The following ARSJ variants were observed in gnomAD, a reference collection of about 807,000 sequenced individuals.
ARSJ encodes arylsulfatase J.
In ARSJ, 26 loss-of-function variants were observed where a neutral mutation model predicts 35.9. That is an observed-to-expected ratio of 0.72 (90% CI 0.53 to 1.00). The LOEUF (loss-of-function observed/expected upper bound fraction) is 1.00. ARSJ is among the 50% of genes least tolerant of loss of function. ARSJ has a pLI of 0.00. For missense variants in ARSJ, 667 were observed against 723.6 expected, an observed-to-expected ratio of 0.92 and a Z score of 0.90; for synonymous variants, 294 against 267.6, an observed-to-expected ratio of 1.10 and a Z score of -0.96.
chr4:113,967,334 G>T (rs560927730), intron 1 of ARSJ, among the ~76,000 whole-genome samples: 2 of 152,208 alleles, frequency 1.3e-5, no homozygotes, highest in South Asian at 4.1e-4. Flanking sequence ...GAGTAGTTGA[G>T]ACTTTGGAAA....
rs150831733 is a variant in ARSJ, at chr4:113,904,582, T to G, written c.399-907A>C. 5.6e-3 allele frequency among the ~76,000 whole-genome samples: 860 copies of G among 152,334 alleles called. 6 individuals carry two copies. The highest frequency in any genetic ancestry group is 0.018 in the African/African-American group (758 of 41,586). ...TCACTGCAAGCTCCGCCTCCCGGGT[T>G]CACGCCATTCTCCTGCCTCACCCTC... On this transcript the variant is annotated intron_variant, in intron 1 of 1. Coordinates refer to ENST00000315366, the MANE Select transcript of ARSJ (RefSeq NM_024590.4).
In ARSJ at chr4:113,902,983, A is replaced by G. The variant is rs140959498; in HGVS notation, c.1091T>C (p.Leu364Pro). The G allele has an allele frequency of 9.1e-5, 147 of 1,614,152 alleles. No individual in the cohort carries two copies. In the East Asian group the frequency reaches 3.2e-3, roughly 35 times the overall value. ...CTTACACACTGTTCCCTTGTTTTTC[A>G]GAAGTGGGCTATGCACAAAGCCTAC... The part of the protein sequence containing the change: ...RAVGFVHSPL[L>P]KNKGTVCKEL... The change falls in exon 2 of 2, where the codon CTG (leucine) becomes CCG (proline). Residue 364 changes from leucine to proline, a missense_variant. Transcript: ENST00000315366.
intron 1 of ARSJ, among the ~76,000 whole-genome samples, chr4:113,928,563 T>C (rs10019179): frequency 0.81 from 123,379 of 152,200 alleles, 50,260 homozygotes; most frequent in African/African-American, 0.89. Flanking sequence ...GAGGTCTACA[T>C]GAGTCAGGCC....
intron 1 of ARSJ, among the ~76,000 whole-genome samples, chr4:113,942,941 C>T (rs568862462): frequency 7.9e-5 from 12 of 152,054 alleles, no homozygotes; most frequent in Non-Finnish European, 1.5e-4. Flanking sequence ...TAACAACTTG[C>T]AGTGCAAAAC....
chr4:113,940,576 C>T (rs1013679193), intron 1 of ARSJ, among the ~76,000 whole-genome samples: 1 of 151,350 alleles, frequency 6.6e-6, no homozygotes, highest in Non-Finnish European at 1.5e-5. Flanking sequence ...TTGACAGGTG[C>T]AGCAAACCAC....
intron 1 of ARSJ, among the ~76,000 whole-genome samples, chr4:113,928,382 GAT>G (rs1724215435): frequency 6.6e-6 from 1 of 152,108 alleles, no homozygotes; most frequent in Non-Finnish European, 1.5e-5. Context: ...CTGTAAACTG[GAT>G]AAAGTCTGGA....
intron 1 of ARSJ, among the ~76,000 whole-genome samples, chr4:113,949,996 A>G (rs911594940): frequency 1.3e-5 from 2 of 151,884 alleles, no homozygotes; most frequent in African/African-American, 4.8e-5. Context: ...TTTCCCCCCA[A>G]CTTTTAATCT....
intron 1 of ARSJ, among the ~76,000 whole-genome samples, chr4:113,912,500 T>C (rs889229360): frequency 2.6e-5 from 4 of 150,984 alleles, no homozygotes; most frequent in Admixed American, 1.3e-4. Flanking sequence ...GATATATAGA[T>C]GGAAAAAAAA....
chr4:113,949,620 T>C (rs977925479), intron 1 of ARSJ, among the ~76,000 whole-genome samples: 2 of 152,054 alleles, frequency 1.3e-5, no homozygotes, highest in African/African-American at 4.8e-5. Flanking sequence ...AGGCCCAACT[T>C]AAACGTAGAC....
intron 1 of ARSJ, among the ~76,000 whole-genome samples, chr4:113,927,135 G>A (rs748124926): frequency 3.2e-4 from 48 of 152,194 alleles, no homozygotes; most frequent in Admixed American, 6.5e-4. Context: ...GGAATGTGTC[G>A]CCTCAAAAAT....
At chr4:113,963,459 T>G (rs982372305) in intron 1 of ARSJ, among the ~76,000 whole-genome samples, 2 of 151,922 alleles carry the variant, frequency 1.3e-5, no homozygotes, top group African/African-American at 4.8e-5. Flanking sequence ...GAAAAGCGCC[T>G]TATAAAACCA....
intron 1 of ARSJ, among the ~76,000 whole-genome samples, chr4:113,959,987 G>C (rs1410722438): frequency 6.6e-6 from 1 of 151,750 alleles, no homozygotes; most frequent in African/African-American, 2.4e-5. Context: ...TTCTATCATT[G>C]CTTCTCTCTT....
chr4:113,956,735 G>T (rs1726203754), intron 1 of ARSJ, among the ~76,000 whole-genome samples: 1 of 152,040 alleles, frequency 6.6e-6, no homozygotes, highest in Non-Finnish European at 1.5e-5. Context: ...ATGAGAAAGA[G>T]ATTAAGTTCA....
intron 1 of ARSJ, among the ~76,000 whole-genome samples, chr4:113,915,484 C>T (rs1377803991): frequency 6.6e-6 from 1 of 152,018 alleles, no homozygotes; most frequent in Non-Finnish European, 1.5e-5. Context: ...GATCATCTTT[C>T]CTCCTCTACT....
At chr4:113,961,440 T>C (rs557006637) in intron 1 of ARSJ, among the ~76,000 whole-genome samples, 12 of 152,128 alleles carry the variant, frequency 7.9e-5, no homozygotes, top group Non-Finnish European at 1.8e-4. Context: ...ATTTCAATAC[T>C]GTGTGTGGTA....
intron 1 of ARSJ, among the ~76,000 whole-genome samples, chr4:113,972,202 G>A (rs1181636876): frequency 2.0e-5 from 3 of 150,058 alleles, no homozygotes; most frequent in Non-Finnish European, 2.9e-5. Flanking sequence ...ACTGTACAGT[G>A]TGGCTATAGC....
chr4:113,924,420 A>G (rs1594420668), intron 1 of ARSJ, among the ~76,000 whole-genome samples: 1 of 152,070 alleles, frequency 6.6e-6, no homozygotes, highest in Middle Eastern at 3.4e-3. Context: ...TAATCTCCTT[A>G]GGCAACACCC....
intron 1 of ARSJ, among the ~76,000 whole-genome samples, chr4:113,908,199 G>C (rs1281530204): frequency 6.6e-6 from 1 of 152,186 alleles, no homozygotes; most frequent in East Asian, 1.9e-4. Flanking sequence ...TAGAGAACTG[G>C]CAAAACTTAA....
At position 113,955,508 on chromosome 4, in the gene ARSJ, G is replaced by A. The variant is rs574228377; in HGVS notation, c.398+22929C>T. Among the ~76,000 whole-genome samples the A allele has an allele frequency of 4.6e-5, 7 of 151,652 alleles. No individual in the cohort carries two copies. The East Asian group carries it at 5.8e-4, about 13-fold the overall frequency. On this transcript the variant is annotated intron_variant, in intron 1 of 1. Transcript: ENST00000315366. ...TGCCATCTGCAGGAGCTGTGCCACC[G>A]TTTTTATTATAAAAGAAACTACTAT...
Sources: allele counts gnomAD v4.1 joint callset (sites outside exome capture counted in the v4.1 genomes callset), GRCh38; gene constraint gnomAD v4.1.1; transcripts MANE v1.5; gene names NCBI Gene and HGNC (gene_info 2026-07-23, HGNC 2026-07-21).